Variants in UBE2D4 observed in about 807,000 individuals in gnomAD.
UBE2D4 encodes ubiquitin conjugating enzyme E2 D4.
Under a neutral mutation model 23.0 loss-of-function variants are expected in UBE2D4, and 17 were observed. The observed-to-expected ratio is 0.74, with a 90% CI of 0.51 to 1.11. UBE2D4 has a LOEUF of 1.11. Ranked by LOEUF, UBE2D4 falls within the 50% of genes least tolerant of loss-of-function variation. The pLI, the probability that UBE2D4 is intolerant of heterozygous loss-of-function variation, is 0.00. For missense variants in UBE2D4, 139 were observed against 181.8 expected, an observed-to-expected ratio of 0.76 and a Z score of 1.35; for synonymous variants, 61 against 69.4, an observed-to-expected ratio of 0.88 and a Z score of 0.60.
chr7:43,938,046 T>C (rs2095962319), intron 1 of UBE2D4, among the ~76,000 whole-genome samples: 1 of 152,098 alleles, frequency 6.6e-6, no homozygotes, highest in Non-Finnish European at 1.5e-5. Context: ...AACTCTCTCC[T>C]GGGCTGCTTT....
intron 6 of UBE2D4, among the ~76,000 whole-genome samples, chr7:43,951,286 G>T (rs2096001923): frequency 6.6e-6 from 1 of 152,132 alleles, no homozygotes; most frequent in Admixed American, 6.5e-5. Flanking sequence ...GTAGCATGAG[G>T]GTGTCTGTAG....
chr7:43,934,453 C>CTTTTTTTTT (rs36122809), intron 1 of UBE2D4, among the ~76,000 whole-genome samples: 2 of 142,238 alleles, frequency 1.4e-5, no homozygotes, highest in Non-Finnish European at 1.5e-5. Flanking sequence ...CTTGTTTTTC[C>CTTTTTTTTT]TTTTTTTTTT....
intron 1 of UBE2D4, among the ~76,000 whole-genome samples, chr7:43,937,755 G>A (rs1055427184): frequency 2.6e-5 from 4 of 152,218 alleles, no homozygotes; most frequent in African/African-American, 9.6e-5. Flanking sequence ...GAGAGTTTGT[G>A]TAGATAGGAC....
At chr7:43,951,643 G>C (rs1293457089) in intron 6 of UBE2D4, among the ~76,000 whole-genome samples, 1 of 151,984 alleles carries the variant, frequency 6.6e-6, no homozygotes, top group Non-Finnish European at 1.5e-5. Context: ...CTATCCTCCT[G>C]CCTCAGCCTC....
At position 43,955,603 on chromosome 7, in the gene UBE2D4, G is replaced by A. The variant is rs1256328495; in HGVS notation, c.*2908G>A. 6.6e-6 allele frequency: 1 copy of A among 152,200 alleles called. No individual in the cohort carries two copies. The highest frequency in any genetic ancestry group is 1.5e-5 in the Non-Finnish European group (1 of 68,040). The allele number at this position is 152,200 out of a possible 1,614,324, so 9.4% of individuals were successfully genotyped here. A position where few individuals can be genotyped will look rare whatever the true frequency, so the allele number is the denominator to read the frequency against. On this transcript the variant is annotated 3_prime_UTR_variant, in exon 7 of 7. Coordinates refer to ENST00000222402, the MANE Select transcript of UBE2D4 (RefSeq NM_015983.4). ...GTTGCTCAAGGATGGGTATGTTTCT[G>A]TCTCTGAAATTCGGGAAAAAGCCTT... is the stretch of plus-strand genomic sequence containing the variant.
chr7:43,936,792 G>A (rs1014388773), intron 1 of UBE2D4, among the ~76,000 whole-genome samples: 1 of 152,108 alleles, frequency 6.6e-6, no homozygotes, highest in Non-Finnish European at 1.5e-5. Context: ...AATAGTACCG[G>A]CAAGTTGGCA....
intron 5 of UBE2D4, 154 bp downstream of exon 5, chr7:43,948,891 C>A: frequency 1.6e-6 from 1 of 613,766 alleles, no homozygotes; most frequent in Non-Finnish European, 2.9e-6. Flanking sequence ...TATCCTTACA[C>A]GCCTACGAGG....
chr7:43,945,954 T>C (rs2095985988), intron 4 of UBE2D4, among the ~76,000 whole-genome samples: 2 of 151,936 alleles, frequency 1.3e-5, no homozygotes, highest in South Asian at 4.2e-4. Context: ...GCTAATTTTT[T>C]TGTATTTTTA....
chr7:43,952,465 G>T (rs1031846632), intron 6 of UBE2D4, 185 bp from the exon 7 acceptor site: 10 of 593,138 alleles, frequency 1.7e-5, no homozygotes, highest in Admixed American at 5.5e-5. Flanking sequence ...CCAGCTGGGG[G>T]TTTACAGCCA....
intron 5 of UBE2D4, among the ~76,000 whole-genome samples, chr7:43,950,099 G>T (rs1369617709): frequency 6.6e-6 from 1 of 152,048 alleles, no homozygotes; most frequent in Non-Finnish European, 1.5e-5. Flanking sequence ...CAGGTGATCT[G>T]CCTGCCTCGG....
At chr7:43,927,741 G>C (rs1751217314) in intron 1 of UBE2D4, among the ~76,000 whole-genome samples, 1 of 152,186 alleles carries the variant, frequency 6.6e-6, no homozygotes, top group South Asian at 2.1e-4. Flanking sequence ...CTTATAGTGG[G>C]ACCTTGGGCA....
rs1304498440 is a variant in UBE2D4 at position 43,953,179 on chromosome 7, G to A, written c.*484G>A. The stretch of plus-strand genomic sequence containing the variant: ...CTCATCTGCTGCAGAACCACATCCT[G>A]AGGAGTCTCAGCTTATCCTGGAGGG... On this transcript the variant is annotated 3_prime_UTR_variant, in exon 7 of 7. Transcript: ENST00000222402. 2.2e-6 allele frequency: 1 copy of A among 456,628 alleles called. No homozygotes were observed. 28.3% of individuals were successfully genotyped at this position (456,628 alleles called of 1,614,324 possible).
At chr7:43,943,110 G>A in intron 4 of UBE2D4, 79 bp downstream of exon 4, 1 of 1,422,494 alleles carries the variant, frequency 7.0e-7, no homozygotes, top group Non-Finnish European at 9.9e-7. Context: ...TCAGGTATAG[G>A]TAAAAAGAGC....
chr7:43,952,638 T>A lies in UBE2D4; in HGVS notation c.399-12T>A. 6.2e-7 allele frequency: 1 copy of A among 1,613,370 alleles called. No homozygotes were observed. The highest frequency in any genetic ancestry group is 2.2e-5 in the East Asian group (1 of 44,878). On this transcript the variant is annotated splice_polypyrimidine_tract_variant and intron_variant, in intron 6 of 6. Coordinates refer to ENST00000222402, the MANE Select transcript of UBE2D4 (RefSeq NM_015983.4). ...AAGTGAGGGTGTCACTTCCTCTGCT[T>A]TTTTATTCCAGGTACAACAGACTAG...
intron 1 of UBE2D4, among the ~76,000 whole-genome samples, chr7:43,934,639 C>T (rs965354639): frequency 6.9e-6 from 1 of 145,362 alleles, no homozygotes. Flanking sequence ...TAAAGCAATT[C>T]TTTTTTTTTT....
rs1243624941 is a variant in UBE2D4, at chr7:43,955,382, C to G, written c.*2687C>G. On this transcript the variant is annotated 3_prime_UTR_variant, in exon 7 of 7. Coordinates refer to ENST00000222402, the MANE Select transcript of UBE2D4 (RefSeq NM_015983.4). ...GAAAAAATGACCATTAGCTCTCCCC[C>G]AGAAGCGTCTGTGTTTGCTGAATGG... is the stretch of plus-strand genomic sequence containing the variant. The G allele has an allele frequency of 3.3e-5, 5 of 152,204 alleles. No homozygotes were observed. The highest frequency in any genetic ancestry group is 9.7e-5 in the African/African-American group (4 of 41,450). The allele number at this position is 152,204 out of a possible 1,614,324, so 9.4% of individuals were successfully genotyped here. A position where few individuals can be genotyped will look rare whatever the true frequency, so the allele number is the denominator to read the frequency against.
intron 1 of UBE2D4, among the ~76,000 whole-genome samples, chr7:43,928,448 G>A (rs946291188): frequency 6.7e-6 from 1 of 148,840 alleles, no homozygotes; most frequent in Admixed American, 6.8e-5. Flanking sequence ...ATAAATAGCT[G>A]TCCAAAAGAG....
In UBE2D4 at chr7:43,934,886, A is replaced by G. The variant is rs377747528; in HGVS notation, c.25-3545A>G. 4.2e-4 allele frequency among the ~76,000 whole-genome samples: 64 copies of G among 152,350 alleles called. No homozygotes were observed. In the South Asian group the frequency reaches 6.8e-3, roughly 16 times the overall value. On this transcript the variant is annotated intron_variant, in intron 1 of 6. Coordinates refer to ENST00000222402, the MANE Select transcript of UBE2D4 (RefSeq NM_015983.4). Reference sequence around the variant, plus strand: ...CTGCTCTAGAGCATTAACAATGCTAAGCTATAATTTTAGGGAAATATATAG... The same window carrying G: ...CTGCTCTAGAGCATTAACAATGCTAGGCTATAATTTTAGGGAAATATATAG...
At chr7:43,934,204 A>AC (rs2095953316) in intron 1 of UBE2D4, among the ~76,000 whole-genome samples, 1 of 147,548 alleles carries the variant, frequency 6.8e-6, no homozygotes, top group Admixed American at 6.8e-5. Context: ...AGACTGGGTC[A>AC]TTTTTTTTTT....
Sources: allele counts gnomAD v4.1 joint callset (sites outside exome capture counted in the v4.1 genomes callset), GRCh38; gene constraint gnomAD v4.1.1; transcripts MANE v1.5; gene names NCBI Gene and HGNC (gene_info 2026-07-23, HGNC 2026-07-21).